The following TMEM132B variants were observed in gnomAD, a reference collection of about 807,000 sequenced individuals.
The protein encoded by TMEM132B is transmembrane protein 132B.
A neutral mutation model predicts 90.8 loss-of-function variants in TMEM132B; 18 were observed. The observed-to-expected ratio is 0.20, with a 90% CI of 0.14 to 0.29. The LOEUF (loss-of-function observed/expected upper bound fraction) is 0.29. Ranked by LOEUF, TMEM132B falls within the 10% of genes least tolerant of loss-of-function variation. The pLI is 1.00. For synonymous variants in TMEM132B, 504 were observed against 523.3 expected (o/e 0.96, Z 0.50); for missense variants, 1,096 against 1,326.8 (o/e 0.83, Z 2.70).
intron 1 of TMEM132B, among the ~76,000 whole-genome samples, chr12:125,228,302 G>A (rs1288375767): frequency 6.6e-6 from 1 of 152,142 alleles, no homozygotes; most frequent in Non-Finnish European, 1.5e-5. Context: ...TTAGCACCCC[G>A]GGGCTCCAGG....
At chr12:125,633,022 T>C (rs1886402517) in intron 5 of TMEM132B, among the ~76,000 whole-genome samples, 1 of 152,156 alleles carries the variant, frequency 6.6e-6, no homozygotes, top group Non-Finnish European at 1.5e-5. Flanking sequence ...AGCCAATAAC[T>C]CTCAGATTTG....
At chr12:125,622,604 C>G (rs1886137630) in intron 5 of TMEM132B, 1 of 985,346 alleles carries the variant, frequency 1.0e-6, no homozygotes, top group Non-Finnish European at 1.2e-6. Flanking sequence ...TGCTGGGTCT[C>G]TCTCTGGAAA....
chr12:125,608,769 T>A (rs1217673767), intron 5 of TMEM132B, among the ~76,000 whole-genome samples: 1 of 152,200 alleles, frequency 6.6e-6, no homozygotes, highest in East Asian at 1.9e-4. Flanking sequence ...ATAACTTCAT[T>A]TTCTTTGCCA....
chr12:125,502,543 C>T (rs544304011), intron 3 of TMEM132B, among the ~76,000 whole-genome samples: 12 of 152,324 alleles, frequency 7.9e-5, no homozygotes, highest in South Asian at 6.2e-4. Flanking sequence ...AAACTAGTCA[C>T]CTGGGCCCAC....
chr12:125,298,826 T>C (rs1456541928), intron 1 of TMEM132B, among the ~76,000 whole-genome samples: 2 of 151,058 alleles, frequency 1.3e-5, no homozygotes, highest in Non-Finnish European at 1.5e-5. Context: ...CTCTGCCTCC[T>C]GGGTTCATGC....
At chr12:125,327,553 T>C (rs1336429675) in intron 1 of TMEM132B, 1 of 152,284 alleles carries the variant, frequency 6.6e-6, no homozygotes, top group Non-Finnish European at 1.5e-5. Context: ...TGAGCTTTTT[T>C]ACTTGGGCAG....
chr12:125,428,179 A>T (rs1204337535), intron 3 of TMEM132B, among the ~76,000 whole-genome samples: 1 of 151,890 alleles, frequency 6.6e-6, no homozygotes, highest in Non-Finnish European at 1.5e-5. Context: ...ATTTTTGTGG[A>T]TACAGGGTCT....
rs568197256 is a variant in TMEM132B, at chr12:125,510,796, A to G, written c.1107-8643A>G. 9.8e-5 allele frequency among the ~76,000 whole-genome samples: 15 copies of G among 152,320 alleles called. No homozygotes were observed. In the South Asian group the frequency reaches 3.1e-3, roughly 32 times the overall value. On this transcript the variant is annotated intron_variant, in intron 3 of 8. Coordinates refer to ENST00000682704, the MANE Select transcript of TMEM132B (RefSeq NM_001366854.1). ...TTTTTTGCAGTTTTTAATATAAACT[A>G]TAGAAATAATTATTGCATATGTTTC...
intron 4 of TMEM132B, among the ~76,000 whole-genome samples, chr12:125,553,850 G>T (rs183165005): frequency 6.6e-6 from 1 of 152,134 alleles, no homozygotes; most frequent in Non-Finnish European, 1.5e-5. Context: ...CAGTTGCTTT[G>T]TTTTAAGTAC....
chr12:125,533,114 G>A (rs2136701406), intron 4 of TMEM132B, among the ~76,000 whole-genome samples: 1 of 152,250 alleles, frequency 6.6e-6, no homozygotes, highest in African/African-American at 2.4e-5. Flanking sequence ...TTCCAGCCTG[G>A]CTTAAAGCTG....
At chr12:125,197,598 A>T (rs1165151724) in intron 1 of TMEM132B, among the ~76,000 whole-genome samples, 1 of 152,190 alleles carries the variant, frequency 6.6e-6, no homozygotes, top group Non-Finnish European at 1.5e-5. Flanking sequence ...ACAGTGACAG[A>T]ATTAAGTAGT....
At chr12:125,582,854 G>C (rs530512287) in intron 4 of TMEM132B, among the ~76,000 whole-genome samples, 93 of 151,400 alleles carry the variant, frequency 6.1e-4, no homozygotes, top group Non-Finnish European at 9.3e-4. Flanking sequence ...AGGTACAGGG[G>C]AAGTACCCTG....
chr12:125,337,338 T>C (rs1191027110), intron 1 of TMEM132B, among the ~76,000 whole-genome samples: 1 of 152,150 alleles, frequency 6.6e-6, no homozygotes, highest in Admixed American at 6.5e-5. Context: ...TGCTCACATC[T>C]AGTGTGGGTG....
At chr12:125,628,666 G>A (rs909378696) in intron 5 of TMEM132B, among the ~76,000 whole-genome samples, 2 of 152,006 alleles carry the variant, frequency 1.3e-5, no homozygotes, top group African/African-American at 4.8e-5. Context: ...GATCCCATTT[G>A]CCCATTTTTG....
At chr12:125,238,382 A>C (rs1343022537) in intron 1 of TMEM132B, among the ~76,000 whole-genome samples, 7 of 146,924 alleles carry the variant, frequency 4.8e-5, no homozygotes, top group African/African-American at 1.5e-4. Flanking sequence ...AAAAACAAAA[A>C]AAAACCAAAA....
chr12:125,419,434 A>G (rs1387571353), intron 3 of TMEM132B, among the ~76,000 whole-genome samples: 1 of 152,248 alleles, frequency 6.6e-6, no homozygotes, highest in African/African-American at 2.4e-5. Context: ...CAAGTAAGAG[A>G]GCTTGTGTAG....
At chr12:125,563,972 AC>A (rs1218765166) in intron 4 of TMEM132B, among the ~76,000 whole-genome samples, 1 of 152,150 alleles carries the variant, frequency 6.6e-6, no homozygotes, top group East Asian at 1.9e-4. Context: ...GGCCTGCAAA[AC>A]TGTGAGAGAA....
Position 125,644,208 on chromosome 12 carries a change from C to A in TMEM132B, c.1570C>A (p.Leu524Met). The stretch of plus-strand genomic sequence containing the variant: ...CACTGTCTGGGCACCCAGGCTCCCC[C>A]TGCAGATTGAGATCTCAGACACCGA... ...EVTVWAPRLP[L>M]QIEISDTELS... The change falls in exon 6 of 9, where the codon CTG becomes ATG. Residue 524 changes from leucine (L) to methionine (M), a missense_variant. Coordinates refer to ENST00000682704, the MANE Select transcript of TMEM132B (RefSeq NM_001366854.1). The A allele has an allele frequency of 6.2e-7, 1 of 1,614,224 alleles. No individual in the cohort carries two copies. Among genetic ancestry groups the A allele is most frequent in the African/African-American group, 1.3e-5 (1 of 75,050 alleles).
chr12:125,466,277 AG>A (rs1327793134), intron 3 of TMEM132B, among the ~76,000 whole-genome samples: 1 of 152,188 alleles, frequency 6.6e-6, no homozygotes, highest in Non-Finnish European at 1.5e-5. Flanking sequence ...AGATGGAACA[AG>A]GGTGCAGCTG....
Sources: gnomAD v4.1 joint callset for allele counts (sites outside exome capture counted in the v4.1 genomes callset) on GRCh38, gnomAD v4.1.1 for gene constraint, MANE v1.5 for transcripts, NCBI Gene and HGNC (gene_info 2026-07-23, HGNC 2026-07-21) for gene names.